The following CSMD3 variants were observed in gnomAD, a reference collection of about 807,000 sequenced individuals.
The protein encoded by CSMD3 is CUB and Sushi multiple domains 3, also known as CUB and sushi domain-containing protein 3.
A neutral mutation model predicts 435.2 loss-of-function variants in CSMD3; 177 were observed. That is an observed-to-expected ratio of 0.41 (90% CI 0.36 to 0.46). CSMD3 has a LOEUF of 0.46. CSMD3 is among the 20% of genes least tolerant of loss of function. The pLI, the probability that CSMD3 is intolerant of heterozygous loss-of-function variation, is 0.34. For synonymous variants in CSMD3, 1,656 were observed against 1,520.5 expected (o/e 1.09, Z -2.07); for missense variants, 4,265 against 4,504.6 (o/e 0.95, Z 1.52).
At chr8:112,520,547 C>G (rs945929940) in intron 27 of CSMD3, among the ~76,000 whole-genome samples, 10 of 151,842 alleles carry the variant, frequency 6.6e-5, no homozygotes, top group Admixed American at 6.6e-4. Context: ...AAAATTCGAC[C>G]AATTTGAAAT....
intron 13 of CSMD3, among the ~76,000 whole-genome samples, chr8:112,757,881 C>T (rs1188505925): frequency 6.6e-6 from 1 of 151,658 alleles, no homozygotes; most frequent in African/African-American, 2.4e-5. Context: ...TGACGAGACC[C>T]CATCTCTATA....
At chr8:112,927,401 G>C (rs1303966826) in intron 9 of CSMD3, among the ~76,000 whole-genome samples, 1 of 151,962 alleles carries the variant, frequency 6.6e-6, no homozygotes, top group African/African-American at 2.4e-5. Context: ...GCTCCTTATA[G>C]AGGGGTCATT....
chr8:112,806,737 A>C (rs192701844), intron 12 of CSMD3, among the ~76,000 whole-genome samples: 105 of 152,186 alleles, frequency 6.9e-4, no homozygotes, highest in Non-Finnish European at 1.2e-3. Context: ...GCTTCAGCTC[A>C]CCTCCACTAG....
intron 1 of CSMD3, among the ~76,000 whole-genome samples, chr8:113,411,731 T>C (rs986827860): frequency 1.1e-4 from 16 of 152,150 alleles, no homozygotes; most frequent in Admixed American, 4.6e-4. Context: ...GCCACATTAC[T>C]TTAAATATGA....
At chr8:113,337,181 G>A (rs1273321527) in intron 1 of CSMD3, among the ~76,000 whole-genome samples, 1 of 152,052 alleles carries the variant, frequency 6.6e-6, no homozygotes, top group Non-Finnish European at 1.5e-5. Context: ...AAATTCCAGA[G>A]AACTAGCAAA....
At chr8:112,522,509 T>C (rs1182067797) in intron 27 of CSMD3, among the ~76,000 whole-genome samples, 1 of 151,822 alleles carries the variant, frequency 6.6e-6, no homozygotes, top group East Asian at 1.9e-4. Flanking sequence ...AAGAAATAAA[T>C]TGTCCATCAG....
rs567928485 is a variant in CSMD3, at chr8:112,591,538, ATAGT to A, written c.3716-4307_3716-4304del. Among the ~76,000 whole-genome samples the A allele has an allele frequency of 7.9e-5, 12 of 152,240 alleles. No homozygotes were observed. In the East Asian group the frequency reaches 2.3e-3, roughly 29 times the overall value. On this transcript the variant is annotated intron_variant, in intron 22 of 70. Coordinates refer to ENST00000297405, the MANE Select transcript of CSMD3 (RefSeq NM_198123.2). Reference sequence around the variant, plus strand: ...AAAAATGTCTAGATCAGTAAACTTCATAGTTACTTTTTTAAAAATGTGCATTACA... The same window carrying A: ...AAAAATGTCTAGATCAGTAAACTTCATACTTTTTTAAAAATGTGCATTACA...
At chr8:112,238,756 C>A (rs985286312) in intron 66 of CSMD3, among the ~76,000 whole-genome samples, 5 of 149,236 alleles carry the variant, frequency 3.4e-5, no homozygotes, top group Non-Finnish European at 7.5e-5. Context: ...TGATCAAATA[C>A]TTTCTTTGCA....
intron 19 of CSMD3, among the ~76,000 whole-genome samples, chr8:112,649,527 C>G (rs2075067996): frequency 1.3e-5 from 2 of 152,124 alleles, no homozygotes; most frequent in Non-Finnish European, 2.9e-5. Context: ...ATTGAGTGTG[C>G]TTTTTGACAA....
intron 4 of CSMD3, among the ~76,000 whole-genome samples, chr8:113,159,353 C>A (rs753333560): frequency 1.3e-5 from 2 of 151,820 alleles, no homozygotes; most frequent in Non-Finnish European, 2.9e-5. Flanking sequence ...TGTGTGTATA[C>A]TTTCTGGCAC....
Position 113,350,962 on chromosome 8 carries a change from TA to T in CSMD3, c.179-36170del, listed in dbSNP as rs1011898779. ...CTTTAGATCTAATTTCCATGTACAT[TA>T]AAAAAAAAACTGATTCCCATGCCCT... On this transcript the variant is annotated intron_variant, in intron 1 of 70. Transcript: ENST00000297405. 5.4e-3 allele frequency among the ~76,000 whole-genome samples: 797 copies of T among 148,074 alleles called. 13 individuals carry two copies. Among genetic ancestry groups the T allele is most frequent in the African/African-American group, 0.019 (756 of 40,488 alleles).
At chr8:112,256,201 T>A (rs1815783978) in intron 61 of CSMD3, among the ~76,000 whole-genome samples, 2 of 152,134 alleles carry the variant, frequency 1.3e-5, no homozygotes, top group Admixed American at 6.6e-5. Flanking sequence ...GGAAATCTGC[T>A]TTTATAGGGT....
At chr8:113,431,963 G>T (rs2094676542) in intron 1 of CSMD3, among the ~76,000 whole-genome samples, 1 of 152,030 alleles carries the variant, frequency 6.6e-6, no homozygotes, top group South Asian at 2.1e-4. Flanking sequence ...TATCATGAAG[G>T]GTAATAACTA....
chr8:112,880,456 C>G (rs1376279114), intron 10 of CSMD3, among the ~76,000 whole-genome samples: 1 of 152,002 alleles, frequency 6.6e-6, no homozygotes, highest in Non-Finnish European at 1.5e-5. Context: ...TTTCGCTACC[C>G]TGATTTTAGA....
chr8:113,301,638 T>C (rs142266964), intron 2 of CSMD3, among the ~76,000 whole-genome samples: 1 of 151,952 alleles, frequency 6.6e-6, no homozygotes, highest in African/African-American at 2.4e-5. Context: ...CACTTGTGAT[T>C]TTTTTCTCTA....
At chr8:113,114,063 G>A (rs2090748593) in intron 4 of CSMD3, among the ~76,000 whole-genome samples, 1 of 152,054 alleles carries the variant, frequency 6.6e-6, no homozygotes, top group Non-Finnish European at 1.5e-5. Flanking sequence ...AAATTAATTG[G>A]TAGAGAAACA....
intron 1 of CSMD3, among the ~76,000 whole-genome samples, chr8:113,365,907 C>T (rs1393381146): frequency 6.6e-6 from 1 of 151,966 alleles, no homozygotes; most frequent in Non-Finnish European, 1.5e-5. Flanking sequence ...AATGCAACAA[C>T]AAATGACCCA....
At chr8:113,058,757 C>G (rs2088466062) in intron 5 of CSMD3, among the ~76,000 whole-genome samples, 1 of 151,834 alleles carries the variant, frequency 6.6e-6, no homozygotes, top group Admixed American at 6.6e-5. Flanking sequence ...CCTGTAAACT[C>G]CACATTTTCT....
intron 32 of CSMD3, among the ~76,000 whole-genome samples, chr8:112,420,338 A>G (rs1448093957): frequency 1.3e-5 from 2 of 152,146 alleles, no homozygotes; most frequent in Non-Finnish European, 2.9e-5. Flanking sequence ...TTTTCCATAA[A>G]TGCTTTGGTA....
Sources: gnomAD v4.1 joint callset for allele counts (sites outside exome capture counted in the v4.1 genomes callset) on GRCh38, gnomAD v4.1.1 for gene constraint, MANE v1.5 for transcripts, NCBI Gene and HGNC (gene_info 2026-07-23, HGNC 2026-07-21) for gene names.